CD302: variants seen among roughly 807,000 people sequenced by gnomAD.
CD302 encodes the protein CD302 antigen.
CD302 carries 23 observed loss-of-function variants against 26.5 expected under a neutral mutation model. That is an observed-to-expected ratio of 0.87 (90% CI 0.62 to 1.23). The LOEUF is 1.23. Ranked by LOEUF, CD302 falls within the 50% of genes most tolerant of loss-of-function variation. The probability of loss-of-function intolerance (pLI) is 0.00; values close to 1 mark genes in which losing one functional copy is unlikely to be tolerated. For synonymous variants in CD302, 90 were observed against 99.4 expected (o/e 0.91, Z 0.56); for missense variants, 290 against 275.5 (o/e 1.05, Z -0.37).
chr2:159,780,983 C>A lies in CD302; in HGVS notation c.194G>T (p.Ser65Ile), dbSNP rs1708488551. 1 of 1,606,962 alleles carries A rather than the reference C, an allele frequency of 6.2e-7. No homozygotes were observed. Residue 65 changes from serine (S) to isoleucine (I), a missense_variant, in exon 3 of 6, where the codon AGC becomes ATC. Physicochemically the swap from Ser to Ile is moderately radical, Grantham distance 142. Coordinates refer to ENST00000259053, the MANE Select transcript of CD302 (RefSeq NM_014880.5). Reference protein sequence around the residue: ...QCTDHGADMISIHNEEENAFI... With the variant: ...QCTDHGADMIIIHNEEENAFI... ...AGCATTTTCTTCTTCATTATGTATG[C>A]TTATCATGTCCGCTCCTGAAATTAT...
At chr2:159,783,336 A>G in intron 2 of CD302, 23 bp downstream of exon 2, 1 of 1,540,660 alleles carries the variant, frequency 6.5e-7, no homozygotes, top group Non-Finnish European at 8.7e-7. Context: ...GAAAAAACAA[A>G]CAGAAAAGAA....
At chr2:159,790,451 T>C (rs1259258220) in intron 1 of CD302, among the ~76,000 whole-genome samples, 1 of 152,172 alleles carries the variant, frequency 6.6e-6, no homozygotes, top group Non-Finnish European at 1.5e-5. Flanking sequence ...TCCATAAATA[T>C]TCATTGAATG....
intron 3 of CD302, 140 bp from the exon 4 acceptor site, chr2:159,780,318 G>A (rs920727064): frequency 2.1e-6 from 2 of 966,502 alleles, no homozygotes; most frequent in African/African-American, 3.3e-5. Context: ...TTAGAAGGAG[G>A]AATATATCCT....
chr2:159,780,027 T>C lies in CD302; in HGVS notation c.447A>G (p.Glu149=), dbSNP rs1442413305. 3.7e-6 allele frequency: 6 copies of C among 1,613,966 alleles called. No homozygotes were observed. In the African/African-American group the frequency reaches 8.0e-5, roughly 22 times the overall value. ...KKGNCEVSSV[E]GTLCKTAIPY... ...TACTAGCTGTTTTGCATAGTGTTCC[T>C]TCCACAGAAGAAACTTCACAATTTC... Residue 149 remains glutamate, a synonymous_variant, in exon 4 of 6, where the codon GAA becomes GAG. Transcript: ENST00000259053.
Position 159,769,964 on chromosome 2 carries a change from ATTTAC to A in CD302, c.*1882_*1886del, listed in dbSNP as rs1245958931. The A allele has an allele frequency of 3.9e-5, 6 of 152,200 alleles. No homozygotes were observed. Among genetic ancestry groups the A allele is most frequent in the Non-Finnish European group, 4.4e-5 (3 of 68,048 alleles). 9.4% of individuals were successfully genotyped at this position (152,200 alleles called of 1,614,324 possible). A position where few individuals can be genotyped will look rare whatever the true frequency, so the allele number is the denominator to read the frequency against. On this transcript the variant is annotated 3_prime_UTR_variant, in exon 6 of 6. Coordinates refer to ENST00000259053, the MANE Select transcript of CD302 (RefSeq NM_014880.5). ...ATTCGAAAACTGGATTTTAAACTAA[ATTTAC>A]TTAAATAGCCTCATGTGGCTAGTGG...
intron 1 of CD302, among the ~76,000 whole-genome samples, chr2:159,784,395 G>A (rs1411622017): frequency 9.1e-6 from 1 of 110,274 alleles, no homozygotes; most frequent in Non-Finnish European, 1.7e-5. Context: ...TTGTACTGTC[G>A]TCCTGGCTGG....
chr2:159,798,114 G>T lies in CD302; in HGVS notation c.67+18C>A. 1 of 1,495,890 alleles carries T rather than the reference G, an allele frequency of 6.7e-7. No individual in the cohort carries two copies. The highest frequency in any genetic ancestry group is 8.9e-7 in the Non-Finnish European group (1 of 1,128,256). 92.7% of individuals were successfully genotyped at this position (1,495,890 alleles called of 1,614,324 possible). A position where few individuals can be genotyped will look rare whatever the true frequency, so the allele number is the denominator to read the frequency against. ...GCGGTCGCGCACGGTCCCGGCGAGG[G>T]ACTACGTAAGGGCTTACCCGCGACG... On this transcript the variant is annotated intron_variant, in intron 1 of 5. Coordinates refer to ENST00000259053, the MANE Select transcript of CD302 (RefSeq NM_014880.5).
At chr2:159,788,054 C>A in intron 1 of CD302, among the ~76,000 whole-genome samples, 1 of 151,748 alleles carries the variant, frequency 6.6e-6, no homozygotes, top group East Asian at 1.9e-4. Flanking sequence ...TTGCAGTGAG[C>A]CAAGATTGCA....
intron 1 of CD302, among the ~76,000 whole-genome samples, chr2:159,785,995 T>G (rs1393431075): frequency 6.6e-6 from 1 of 152,172 alleles, no homozygotes; most frequent in Non-Finnish European, 1.5e-5. Flanking sequence ...CTCATTGGAT[T>G]GTTGTAAATA....
chr2:159,796,298 A>G (rs1708953099), intron 1 of CD302, among the ~76,000 whole-genome samples: 1 of 152,184 alleles, frequency 6.6e-6, no homozygotes, highest in Non-Finnish European at 1.5e-5. Flanking sequence ...AAACACACTT[A>G]GTTTTTCAGC....
chr2:159,795,613 CAT>C (rs1708932097), intron 1 of CD302, among the ~76,000 whole-genome samples: 1 of 152,170 alleles, frequency 6.6e-6, no homozygotes. Context: ...GAGAAGGTGA[CAT>C]ATGAACAGAG....
intron 5 of CD302, among the ~76,000 whole-genome samples, chr2:159,777,697 C>T (rs945926123): frequency 6.6e-6 from 1 of 152,074 alleles, no homozygotes; most frequent in Non-Finnish European, 1.5e-5. Context: ...AGTGAATGTG[C>T]ACAACACAGA....
Position 159,769,144 on chromosome 2 carries a change from A to C in CD302, c.*2707T>G, listed in dbSNP as rs960536978. On this transcript the variant is annotated 3_prime_UTR_variant, in exon 6 of 6. Coordinates refer to ENST00000259053, the MANE Select transcript of CD302 (RefSeq NM_014880.5). ...GAGACCATACACTGCTCACTACAAG[A>C]ATGCAATTTTCTAAGAAAATGTAGT... 2.0e-5 allele frequency: 3 copies of C among 152,194 alleles called. No individual in the cohort carries two copies. The highest frequency in any genetic ancestry group is 4.8e-5 in the African/African-American group (2 of 41,448). 9.4% of individuals were successfully genotyped at this position (152,194 alleles called of 1,614,324 possible).
At chr2:159,782,281 T>C (rs1261722748) in intron 2 of CD302, among the ~76,000 whole-genome samples, 1 of 151,190 alleles carries the variant, frequency 6.6e-6, no homozygotes, top group African/African-American at 2.4e-5. Flanking sequence ...GGCCTATTGG[T>C]GGGCGCTGGT....
chr2:159,781,060 TAC>T, intron 2 of CD302, 62 bp from the exon 3 acceptor site: 1 of 1,306,166 alleles, frequency 7.7e-7, no homozygotes. Flanking sequence ...AATCACTAGG[TAC>T]ATAAAAATAA....
chr2:159,786,982 CTT>C (rs1163029369), intron 1 of CD302, among the ~76,000 whole-genome samples: 1 of 152,166 alleles, frequency 6.6e-6, no homozygotes, highest in Admixed American at 6.5e-5. Flanking sequence ...ATTGTGTACT[CTT>C]TTGTGTCTGG....
At chr2:159,777,120 C>T (rs1399882174) in intron 5 of CD302, among the ~76,000 whole-genome samples, 2 of 152,070 alleles carry the variant, frequency 1.3e-5, no homozygotes, top group African/African-American at 4.8e-5. Flanking sequence ...GCATGGCGGC[C>T]CACACCTGTA....
intron 4 of CD302, 143 bp downstream of exon 4, chr2:159,779,862 C>CATAATGCT (rs1708455156): frequency 1.0e-6 from 1 of 974,386 alleles, no homozygotes; most frequent in African/African-American, 1.6e-5. Flanking sequence ...CTCAGTTTAC[C>CATAATGCT]ATAATGCTGG....
rs548227833 is a variant in CD302, at chr2:159,781,235, A to T, written c.179-237T>A. ...TTTATGTCTCAGTATACTTTACATA[A>T]TTTTTTTTAAGGGATGGAAAATAGT... On this transcript the variant is annotated intron_variant, in intron 2 of 5. Coordinates refer to ENST00000259053, the MANE Select transcript of CD302 (RefSeq NM_014880.5). Among the ~76,000 whole-genome samples, 767 of 151,930 alleles carry T rather than the reference A, an allele frequency of 5.0e-3. 9 individuals are homozygous for T. Among genetic ancestry groups the T allele is most frequent in the Non-Finnish European group, 5.2e-3 (354 of 67,956 alleles).
Sources: allele counts gnomAD v4.1 joint callset (sites outside exome capture counted in the v4.1 genomes callset), GRCh38; gene constraint gnomAD v4.1.1; transcripts MANE v1.5; gene names NCBI Gene and HGNC (gene_info 2026-07-23, HGNC 2026-07-21).